The following EPM2A variants were observed in gnomAD, a reference collection of about 807,000 sequenced individuals.
The protein encoded by EPM2A is EPM2A glucan phosphatase, laforin.
Under a neutral mutation model 26.5 loss-of-function variants are expected in EPM2A, and 21 were observed. That is an observed-to-expected ratio of 0.79 (90% CI 0.56 to 1.14). The LOEUF is 1.14. Ranked by LOEUF, EPM2A falls within the 50% of genes most tolerant of loss-of-function variation. The probability of loss-of-function intolerance (pLI) is 0.00; values close to 1 mark genes in which losing one functional copy is unlikely to be tolerated. For missense variants in EPM2A, 458 were observed against 440.8 expected, an observed-to-expected ratio of 1.04 and a Z score of -0.35; for synonymous variants, 217 against 177.6, an observed-to-expected ratio of 1.22 and a Z score of -1.76.
intron 4 of EPM2A, among the ~76,000 whole-genome samples, chr6:145,404,963 T>G (rs568047550): frequency 9.2e-5 from 14 of 152,150 alleles, no homozygotes; most frequent in African/African-American, 3.4e-4. Context: ...TTTATAAAAC[T>G]TTGTGTCCAC....
At chr6:145,681,714 G>A (rs144874527) in intron 2 of EPM2A, among the ~76,000 whole-genome samples, 1,654 of 152,058 alleles carry the variant, frequency 0.011, 14 homozygotes, top group Admixed American at 0.017. Context: ...GATATGCGGC[G>A]TTATTTCTGA....
At chr6:145,532,927 A>G (rs531671119) in intron 2 of EPM2A, among the ~76,000 whole-genome samples, 1 of 152,108 alleles carries the variant, frequency 6.6e-6, no homozygotes, top group South Asian at 2.1e-4. Flanking sequence ...TTAGTCGCTT[A>G]CTTCAAGTAC....
intron 2 of EPM2A, among the ~76,000 whole-genome samples, chr6:145,547,022 A>G (rs561007676): frequency 1.8e-4 from 28 of 152,224 alleles, no homozygotes; most frequent in African/African-American, 6.3e-4. Context: ...ATAAACAAAT[A>G]CTCAACCAGT....
Position 145,647,220 on chromosome 6 carries a change from T to C in EPM2A, c.477-11734A>G, listed in dbSNP as rs374354708. Among the ~76,000 whole-genome samples, 84 of 152,326 alleles carry C rather than the reference T, an allele frequency of 5.5e-4. 1 individual carries two copies. In the East Asian group the frequency reaches 0.012, roughly 22 times the overall value. ...TCTTTTGGCCTGACTCTTTGGAATC[T>C]GACCCCTACGTGTGTCACTAATCCC... On this transcript the variant is annotated intron_variant, in intron 2 of 3. Transcript: ENST00000367519.
intron 2 of EPM2A, among the ~76,000 whole-genome samples, chr6:145,584,310 C>T (rs1781157576): frequency 2.0e-5 from 3 of 152,062 alleles, no homozygotes; most frequent in South Asian, 4.1e-4. Flanking sequence ...TGCAAAGCAC[C>T]CTGATTGGGC....
chr6:145,644,678 T>A (rs940983770), intron 2 of EPM2A, among the ~76,000 whole-genome samples: 1 of 152,010 alleles, frequency 6.6e-6, no homozygotes, highest in African/African-American at 2.4e-5. Flanking sequence ...ATTATATTTT[T>A]AATTAAAAAT....
intron 4 of EPM2A, among the ~76,000 whole-genome samples, chr6:145,389,307 A>G (rs9484983): frequency 0.05 from 7,598 of 151,584 alleles, 444 homozygotes; most frequent in African/African-American, 0.14. Context: ...CTCCTGCCTC[A>G]GCCACCTAAG....
intron 4 of EPM2A, among the ~76,000 whole-genome samples, chr6:145,496,225 C>A (rs762727594): frequency 7.2e-5 from 11 of 152,120 alleles, no homozygotes; most frequent in Middle Eastern, 3.4e-3. Flanking sequence ...TCTTAGTATG[C>A]CCTTACTATT....
At chr6:145,574,684 C>G (rs1781006229) in intron 2 of EPM2A, among the ~76,000 whole-genome samples, 1 of 152,168 alleles carries the variant, frequency 6.6e-6, no homozygotes, top group Non-Finnish European at 1.5e-5. Flanking sequence ...TATATTAAAC[C>G]AAGGAAGATC....
chr6:145,727,334 T>C (rs540040053), intron 1 of EPM2A, among the ~76,000 whole-genome samples: 2 of 152,198 alleles, frequency 1.3e-5, no homozygotes, highest in East Asian at 3.9e-4. Flanking sequence ...AGATGAGAAA[T>C]ACAGTATCTG....
intron 2 of EPM2A, among the ~76,000 whole-genome samples, chr6:145,572,733 A>G (rs889283641): frequency 6.6e-6 from 1 of 152,172 alleles, no homozygotes; most frequent in Non-Finnish European, 1.5e-5. Context: ...TGACACCTCA[A>G]GCACCATTGG....
At chr6:145,640,473 G>T (rs528664451) in intron 2 of EPM2A, 1 of 152,132 alleles carries the variant, frequency 6.6e-6, no homozygotes, top group Non-Finnish European at 1.5e-5. Flanking sequence ...CTGTTGAACT[G>T]CAGTGCCCTC....
intron 2 of EPM2A, among the ~76,000 whole-genome samples, chr6:145,619,522 C>A (rs1460165185): frequency 6.6e-6 from 1 of 152,132 alleles, no homozygotes; most frequent in African/African-American, 2.4e-5. Context: ...TGAGGGGATG[C>A]AGTACTGCAG....
chr6:145,511,016 A>T (rs1780048174), intron 2 of EPM2A, among the ~76,000 whole-genome samples: 1 of 152,186 alleles, frequency 6.6e-6, no homozygotes, highest in Admixed American at 6.5e-5. Context: ...ATTCCTGGAA[A>T]CACACAACTT....
chr6:145,514,212 A>G (rs1020372217), intron 2 of EPM2A, among the ~76,000 whole-genome samples: 4 of 152,198 alleles, frequency 2.6e-5, no homozygotes, highest in African/African-American at 9.7e-5. Context: ...ACTTCACTAG[A>G]GGCAGTTATC....
intron 1 of EPM2A, among the ~76,000 whole-genome samples, chr6:145,726,898 C>T (rs1359767291): frequency 6.6e-6 from 1 of 151,976 alleles, no homozygotes; most frequent in Non-Finnish European, 1.5e-5. Context: ...AATCATGTAT[C>T]AATATTGGTT....
chr6:145,390,424 G>C (rs1228420244), intron 4 of EPM2A, among the ~76,000 whole-genome samples: 12 of 151,878 alleles, frequency 7.9e-5, no homozygotes, highest in Non-Finnish European at 1.5e-4. Flanking sequence ...ACCCTTCATG[G>C]CATAAACTTT....
intron 4 of EPM2A, among the ~76,000 whole-genome samples, chr6:145,420,959 C>A (rs910460848): frequency 2.6e-5 from 4 of 152,130 alleles, no homozygotes; most frequent in African/African-American, 9.7e-5. Context: ...TTTATGAGAG[C>A]AGAGCCTTTG....
At position 145,699,379 on chromosome 6, in the gene EPM2A, T is replaced by C. The variant is rs1260478044; in HGVS notation, c.302-13083A>G. Among the ~76,000 whole-genome samples the C allele has an allele frequency of 3.9e-5, 6 of 152,286 alleles. No individual in the cohort carries two copies. In the East Asian group the frequency reaches 7.7e-4, roughly 20 times the overall value. ...ATGATGACTGAAAGGCTATGCTGAG[T>C]TGTATTCTAAGGATCAACTGGCTCA... On this transcript the variant is annotated intron_variant, in intron 1 of 3. Coordinates refer to ENST00000367519, the MANE Select transcript of EPM2A (RefSeq NM_005670.4).
Sources: allele counts gnomAD v4.1 joint callset (sites outside exome capture counted in the v4.1 genomes callset), GRCh38; gene constraint gnomAD v4.1.1; transcripts MANE v1.5; gene names NCBI Gene and HGNC (gene_info 2026-07-23, HGNC 2026-07-21).